Variants in XKR6 observed in about 807,000 individuals in gnomAD.
The protein encoded by XKR6 is XK related 6, also known as XK-related protein 6.
In XKR6, 22 loss-of-function variants were observed where a neutral mutation model predicts 56.7. The ratio of observed to expected loss-of-function variants is 0.39; its 90% confidence interval spans 0.28 to 0.55. XKR6 has a LOEUF of 0.55. Ranked by LOEUF, XKR6 falls within the 20% of genes least tolerant of loss-of-function variation. The probability of loss-of-function intolerance (pLI) is 0.66; values close to 1 mark genes in which losing one functional copy is unlikely to be tolerated. For synonymous variants in XKR6, 524 were observed against 387.8 expected, an observed-to-expected ratio of 1.35 and a Z score of -4.13; for missense variants, 852 against 889.0, an observed-to-expected ratio of 0.96 and a Z score of 0.53.
At chr8:11,033,679 T>C (rs965879760) in intron 1 of XKR6, among the ~76,000 whole-genome samples, 1 of 152,046 alleles carries the variant, frequency 6.6e-6, no homozygotes, top group Non-Finnish European at 1.5e-5. Flanking sequence ...GAAAGGCCTT[T>C]CCCCAAAGTC....
chr8:11,012,726 G>T (rs765031129), intron 1 of XKR6, among the ~76,000 whole-genome samples: 45 of 149,150 alleles, frequency 3.0e-4, no homozygotes, highest in Non-Finnish European at 4.9e-4. Context: ...CTTTTCTTTG[G>T]ATTCATCCTG....
chr8:10,947,425 T>C (rs1801585875), intron 1 of XKR6, among the ~76,000 whole-genome samples: 2 of 152,038 alleles, frequency 1.3e-5, no homozygotes, highest in African/African-American at 4.8e-5. Flanking sequence ...GAAGCACAGA[T>C]GGCAAATCTG....
intron 1 of XKR6, among the ~76,000 whole-genome samples, chr8:11,058,339 A>T (rs1799738788): frequency 6.6e-6 from 1 of 152,206 alleles, no homozygotes; most frequent in Non-Finnish European, 1.5e-5. Context: ...TACCCAAAGG[A>T]TTATAAATCA....
In XKR6 at chr8:10,984,732, C is replaced by CTCTCTCTA; in HGVS notation, c.765-59903_765-59902insTAGAGAGA. Among the ~76,000 whole-genome samples, 176 of 47,480 alleles carry CTCTCTCTA rather than the reference C, an allele frequency of 3.7e-3. 2 individuals carry two copies. Among genetic ancestry groups the CTCTCTCTA allele is most frequent in the Non-Finnish European group, 5.2e-3 (123 of 23,792 alleles). 31.1% of individuals were successfully genotyped at this position (47,480 alleles called of 152,430 possible). On this transcript the variant is annotated intron_variant, in intron 1 of 2. Coordinates refer to ENST00000416569, the MANE Select transcript of XKR6 (RefSeq NM_173683.4). ...TCTCTCTCTCTCTCTCTCTCTCTCT[C>CTCTCTCTA]TATATATATATATATATATATATAT...
intron 2 of XKR6, among the ~76,000 whole-genome samples, chr8:10,911,654 T>A (rs1247112318): frequency 6.9e-6 from 1 of 145,850 alleles, no homozygotes; most frequent in Non-Finnish European, 1.5e-5. Context: ...ATATAGAATA[T>A]ATATATATCT....
chr8:11,080,216 C>G (rs1474160572), intron 1 of XKR6, among the ~76,000 whole-genome samples: 1 of 151,836 alleles, frequency 6.6e-6, no homozygotes, highest in Non-Finnish European at 1.5e-5. Flanking sequence ...AGAGAAAACC[C>G]TGGGCTCCCC....
At chr8:10,937,946 G>A (rs1473889807) in intron 1 of XKR6, among the ~76,000 whole-genome samples, 1 of 151,260 alleles carries the variant, frequency 6.6e-6, no homozygotes, top group Non-Finnish European at 1.5e-5. Flanking sequence ...GAGCTTCCCG[G>A]CTGCTTTGTT....
Position 11,107,194 on chromosome 8 carries a change from ATT to A in XKR6, c.764+93380_764+93381del, listed in dbSNP as rs562010935. Among the ~76,000 whole-genome samples the A allele has an allele frequency of 8.2e-3, 1,181 of 144,566 alleles. 18 individuals carry two copies. Among genetic ancestry groups the A allele is most frequent in the African/African-American group, 0.028 (1,111 of 39,774 alleles). 94.8% of individuals were successfully genotyped at this position (144,566 alleles called of 152,430 possible). ...AGCAACACGGATAAACAGGATTCCA[ATT>A]TTTTTTTTTTTTTTTAAATAAGAGA... On this transcript the variant is annotated intron_variant, in intron 1 of 2. Coordinates refer to ENST00000416569, the MANE Select transcript of XKR6 (RefSeq NM_173683.4).
At chr8:10,965,831 T>A (rs1044162582) in intron 1 of XKR6, among the ~76,000 whole-genome samples, 3 of 152,234 alleles carry the variant, frequency 2.0e-5, no homozygotes, top group Admixed American at 1.3e-4. Context: ...GAGGAGCTCA[T>A]GATTCATCTG....
At chr8:10,915,655 C>A (rs1224374716) in intron 2 of XKR6, among the ~76,000 whole-genome samples, 2 of 152,190 alleles carry the variant, frequency 1.3e-5, no homozygotes, top group African/African-American at 2.4e-5. Context: ...TTGCAAACTC[C>A]ATTTAACAGG....
chr8:11,144,861 G>T (rs539321082), intron 1 of XKR6, among the ~76,000 whole-genome samples: 1 of 151,438 alleles, frequency 6.6e-6, no homozygotes, highest in East Asian at 2.0e-4. Context: ...GGAAGGGAGG[G>T]GTAGGGAGGG....
chr8:10,953,938 T>G lies in XKR6; in HGVS notation c.765-29108A>C, dbSNP rs563206986. Among the ~76,000 whole-genome samples, 1,467 of 152,350 alleles carry G rather than the reference T, an allele frequency of 9.6e-3. 22 individuals carry two copies. The highest frequency in any genetic ancestry group is 0.032 in the African/African-American group (1,350 of 41,574). ...CAATATATGGCCTTTTGTGGCTGGC[T>G]TCTTTCACTTAGCATGTTTCAAGTT... On this transcript the variant is annotated intron_variant, in intron 1 of 2. Transcript: ENST00000416569.
chr8:11,154,593 T>C (rs1284413703), intron 1 of XKR6, among the ~76,000 whole-genome samples: 1 of 152,204 alleles, frequency 6.6e-6, no homozygotes. Context: ...ACCCCAAACT[T>C]GCAGTTGGTG....
chr8:11,043,935 T>TA (rs1439756623), intron 1 of XKR6, among the ~76,000 whole-genome samples: 1 of 152,204 alleles, frequency 6.6e-6, no homozygotes, highest in African/African-American at 2.4e-5. Flanking sequence ...CACCTACACT[T>TA]AAAGAATCAA....
intron 2 of XKR6, among the ~76,000 whole-genome samples, chr8:10,916,120 T>C (rs1484675239): frequency 6.6e-6 from 1 of 152,146 alleles, no homozygotes; most frequent in Non-Finnish European, 1.5e-5. Context: ...CAATTTGGGG[T>C]CCACCAGGCA....
chr8:11,095,821 T>A (rs1288306871), intron 1 of XKR6, among the ~76,000 whole-genome samples: 3 of 152,192 alleles, frequency 2.0e-5, no homozygotes, highest in African/African-American at 7.2e-5. Flanking sequence ...TATATCTGGT[T>A]AAGACTAGAC....
Position 11,200,009 on chromosome 8 carries a change from A to G in XKR6, c.764+567T>C, listed in dbSNP as rs1804113472. 6.6e-6 allele frequency among the ~76,000 whole-genome samples: 1 copy of G among 151,836 alleles called. No homozygotes were observed. The highest frequency in any genetic ancestry group is 2.4e-5 in the African/African-American group (1 of 41,336). ...AAGTCTTTTTTCCTTCTGGGAAAGC[A>G]GTGGTTTGGAGTCATTCACAGGGGC... On this transcript the variant is annotated intron_variant, in intron 1 of 2. Transcript: ENST00000416569. The surrounding 1 kb of genome is among the most constrained non-coding windows in gnomAD (Gnocchi z 6.4).
chr8:11,177,061 G>T (rs967372098), intron 1 of XKR6, among the ~76,000 whole-genome samples: 5 of 152,190 alleles, frequency 3.3e-5, no homozygotes, highest in African/African-American at 1.2e-4. Context: ...AGAAGCTAAG[G>T]ATCTGAGAAC....
chr8:11,044,143 T>G (rs962399286), intron 1 of XKR6, among the ~76,000 whole-genome samples: 1 of 152,218 alleles, frequency 6.6e-6, no homozygotes, highest in Admixed American at 6.5e-5. Context: ...CCACTGACCG[T>G]GGACTGGTTC....
Sources: allele counts gnomAD v4.1 joint callset (sites outside exome capture counted in the v4.1 genomes callset), GRCh38; gene constraint gnomAD v4.1.1; non-coding constraint Gnocchi (gnomAD v3.1); transcripts MANE v1.5; gene names NCBI Gene and HGNC (gene_info 2026-07-23, HGNC 2026-07-21).